The following HPSE2 variants were observed in gnomAD, a reference collection of about 807,000 sequenced individuals.
HPSE2 encodes the protein heparanase 2 (inactive).
A neutral mutation model predicts 60.5 loss-of-function variants in HPSE2; 38 were observed. The ratio of observed to expected loss-of-function variants is 0.63; its 90% CI spans 0.48 to 0.82. The LOEUF (loss-of-function observed/expected upper bound fraction) is 0.82. Among genes scored for constraint, HPSE2 ranks in the 40% least tolerant of loss-of-function variants. The pLI is 0.00. For synonymous variants in HPSE2, 295 were observed against 293.2 expected (o/e 1.01, Z -0.06); for missense variants, 713 against 740.4 (o/e 0.96, Z 0.43).
At chr10:98,735,708 C>T (rs563246453) in intron 4 of HPSE2, among the ~76,000 whole-genome samples, 4 of 152,274 alleles carry the variant, frequency 2.6e-5, no homozygotes, top group Admixed American at 6.5e-5. Flanking sequence ...GGGAGCTTTA[C>T]GATTTGACTG....
chr10:99,294,572 C>G, the HPSE2 span, among the ~76,000 whole-genome samples: 1 of 150,940 alleles, frequency 6.6e-6, no homozygotes, highest in Admixed American at 6.6e-5. Flanking sequence ...CATTCTAAGA[C>G]ATTGTAAGTG....
At chr10:99,192,920 T>C (rs1230819553) in intron 2 of HPSE2, among the ~76,000 whole-genome samples, 2 of 152,248 alleles carry the variant, frequency 1.3e-5, no homozygotes, top group Admixed American at 1.3e-4. Context: ...AAAAAGGATG[T>C]TAATGAGCAA....
intron 9 of HPSE2, among the ~76,000 whole-genome samples, chr10:98,575,615 T>C (rs2133908189): frequency 6.6e-6 from 1 of 152,362 alleles, no homozygotes; most frequent in Middle Eastern, 3.4e-3. Context: ...GATGCTATCA[T>C]GACCTTCATT....
intron 3 of HPSE2, chr10:99,048,264 G>A: frequency 1.9e-6 from 1 of 515,028 alleles, no homozygotes; most frequent in Non-Finnish European, 3.6e-6. Context: ...AACTTCCTGT[G>A]GCCCTTCAAA....
At chr10:98,617,077 C>G (rs1433518251) in intron 8 of HPSE2, among the ~76,000 whole-genome samples, 2 of 152,154 alleles carry the variant, frequency 1.3e-5, no homozygotes, top group African/African-American at 4.8e-5. Flanking sequence ...AACTTTCCAT[C>G]CCTATGCTTG....
chr10:98,739,986 T>A (rs150570251), intron 4 of HPSE2, among the ~76,000 whole-genome samples: 51 of 152,248 alleles, frequency 3.3e-4, no homozygotes, highest in Non-Finnish European at 5.4e-4. Context: ...TTTCTCCAGT[T>A]CTTTCTTACT....
intron 3 of HPSE2, among the ~76,000 whole-genome samples, chr10:98,891,147 C>T (rs1953325057): frequency 6.6e-6 from 1 of 152,028 alleles, no homozygotes; most frequent in Non-Finnish European, 1.5e-5. Context: ...TTCTATTTCT[C>T]AGAATTTTCC....
chr10:99,033,699 C>T (rs867579140), intron 3 of HPSE2, among the ~76,000 whole-genome samples: 6 of 152,032 alleles, frequency 3.9e-5, no homozygotes, highest in Middle Eastern at 3.4e-3. Context: ...AGGAGAATAG[C>T]GTGAACCCAG....
Position 99,152,595 on chromosome 10 carries a change from T to C in HPSE2, c.449-8196A>G, listed in dbSNP as rs565115572. Among the ~76,000 whole-genome samples, 53 of 152,168 alleles carry C rather than the reference T, an allele frequency of 3.5e-4. No individual in the cohort carries two copies. In the South Asian group the frequency reaches 9.5e-3, roughly 27 times the overall value. ...AATACACAGAACAAAATTAACACAATAGAAAGGATAAGAAAAGAAGCTGTA... is the reference window on the plus strand; with the variant it reads ...AATACACAGAACAAAATTAACACAACAGAAAGGATAAGAAAAGAAGCTGTA... On this transcript the variant is annotated intron_variant, in intron 2 of 11. Transcript: ENST00000370552.
At chr10:98,468,800 T>C (rs933984931) in intron 11 of HPSE2, among the ~76,000 whole-genome samples, 5 of 152,034 alleles carry the variant, frequency 3.3e-5, no homozygotes, top group African/African-American at 9.7e-5. Context: ...CTGTAAGGGA[T>C]AGAGAGAGAA....
chr10:99,120,444 T>C (rs1019382712), intron 3 of HPSE2, among the ~76,000 whole-genome samples: 2 of 151,730 alleles, frequency 1.3e-5, no homozygotes, highest in Non-Finnish European at 2.9e-5. Flanking sequence ...CCTGCATCTA[T>C]TATGTTTTGA....
chr10:98,627,002 T>C (rs1391480437), intron 7 of HPSE2, among the ~76,000 whole-genome samples: 1 of 152,130 alleles, frequency 6.6e-6, no homozygotes, highest in Non-Finnish European at 1.5e-5. Flanking sequence ...CTCAATCTCC[T>C]GACGTCGTGA....
intron 9 of HPSE2, among the ~76,000 whole-genome samples, chr10:98,543,417 C>T (rs187990993): frequency 1.2e-3 from 175 of 152,144 alleles, no homozygotes; most frequent in African/African-American, 4.0e-3. Context: ...GCAATTGCAT[C>T]AACTAACGAG....
chr10:98,790,112 T>A (rs1950624094), intron 3 of HPSE2, among the ~76,000 whole-genome samples: 2 of 152,134 alleles, frequency 1.3e-5, no homozygotes, highest in South Asian at 4.1e-4. Context: ...AGCATTGAGA[T>A]ACAAAGAAGG....
intron 3 of HPSE2, among the ~76,000 whole-genome samples, chr10:99,105,073 A>AG (rs1397818801): frequency 2.0e-5 from 3 of 151,688 alleles, no homozygotes; most frequent in Non-Finnish European, 2.9e-5. Context: ...AAAAAAAAAA[A>AG]AAAGAAAAGC....
In HPSE2 at chr10:98,459,667, G is replaced by A. The variant is rs765695842; in HGVS notation, c.1686C>T (p.Pro562=). The A allele has an allele frequency of 1.2e-6, 2 of 1,614,138 alleles. No individual in the cohort carries two copies. The highest frequency in any genetic ancestry group is 2.2e-5 in the East Asian group (1 of 44,884). ...TGACCAATGTCCGGCCGGCCCGAAGGGGGCGGGGCTTCAATTCTGGGAGGG... is the reference window on the plus strand; with the variant it reads ...TGACCAATGTCCGGCCGGCCCGAAGAGGGCGGGGCTTCAATTCTGGGAGGG... ...DGTLPELKPR[P]LRAGRTLVIP... is the part of the protein sequence containing the mutation. Residue 562 remains proline (P), a synonymous_variant, in exon 12 of 12, where the codon CCC becomes CCT. Transcript: ENST00000370552.
intron 3 of HPSE2, among the ~76,000 whole-genome samples, chr10:99,043,270 G>A (rs1957782493): frequency 6.6e-6 from 1 of 152,102 alleles, no homozygotes; most frequent in Non-Finnish European, 1.5e-5. Flanking sequence ...GGATCATGAG[G>A]TCAGGAGATC....
At chr10:99,013,863 A>C in intron 3 of HPSE2, 1 of 335,626 alleles carries the variant, frequency 3.0e-6, no homozygotes, top group South Asian at 2.7e-5. Flanking sequence ...AAAGGATGGT[A>C]GTTTTCCCTG....
At chr10:99,204,682 A>G (rs1418267395) in intron 2 of HPSE2, among the ~76,000 whole-genome samples, 1 of 152,190 alleles carries the variant, frequency 6.6e-6, no homozygotes, top group East Asian at 1.9e-4. Context: ...AATAAACTCC[A>G]TGGGTTCAAC....
Sources: gnomAD v4.1 joint callset for allele counts (sites outside exome capture counted in the v4.1 genomes callset) on GRCh38, gnomAD v4.1.1 for gene constraint, MANE v1.5 for transcripts, NCBI Gene and HGNC (gene_info 2026-07-23, HGNC 2026-07-21) for gene names.